GLT8D1: variants seen among roughly 807,000 people sequenced by gnomAD.
GLT8D1 encodes the protein glycosyltransferase 8 domain-containing protein 1.
Under a neutral mutation model 46.2 loss-of-function variants are expected in GLT8D1, and 41 were observed. That is an observed-to-expected ratio of 0.89 (90% CI 0.69 to 1.15). GLT8D1 has a LOEUF of 1.15. Among genes scored for constraint, GLT8D1 ranks in the 50% most tolerant of loss-of-function variants. GLT8D1 has a pLI of 0.00. For synonymous variants in GLT8D1, 150 were observed against 154.2 expected (o/e 0.97, Z 0.20); for missense variants, 408 against 449.3 (o/e 0.91, Z 0.83).
intron 1 of GLT8D1, 32 bp from the exon 2 acceptor site, chr3:52,700,528 T>G: frequency 4.7e-6 from 5 of 1,072,466 alleles, no homozygotes; most frequent in Non-Finnish European, 7.0e-6. Context: ...CCAAAGTCAG[T>G]AAGCACATGA....
intron 3 of GLT8D1, 26 bp downstream of exon 3, chr3:52,700,236 G>A (rs780829629): frequency 1.4e-6 from 2 of 1,406,424 alleles, no homozygotes; most frequent in Non-Finnish European, 1.0e-6. Flanking sequence ...CAGATTCTAA[G>A]GCATTATTAA....
chr3:52,704,117 T>C (rs2097341631), intron 1 of GLT8D1, among the ~76,000 whole-genome samples: 1 of 151,654 alleles, frequency 6.6e-6, no homozygotes, highest in South Asian at 2.1e-4. Flanking sequence ...GTAATTTCAG[T>C]CCGTGGTTGG....
At chr3:52,700,215 C>T in intron 3 of GLT8D1, 47 bp downstream of exon 3, 1 of 1,152,100 alleles carries the variant, frequency 8.7e-7, no homozygotes, top group Non-Finnish European at 1.3e-6. Flanking sequence ...CAGAGAATAC[C>T]AGGTCCGCAA....
At chr3:52,700,183 G>T (rs1309230749) in intron 3 of GLT8D1, 79 bp downstream of exon 3, 11 of 867,390 alleles carry the variant, frequency 1.3e-5, no homozygotes, top group Admixed American at 2.1e-5. Flanking sequence ...ACCGGAAGAA[G>T]AACAACTTAG....
intron 7 of GLT8D1, 96 bp downstream of exon 7, chr3:52,695,831 TG>T (rs2097332772): frequency 1.4e-6 from 1 of 731,268 alleles, no homozygotes; most frequent in Non-Finnish European, 2.4e-6. Context: ...ATGAAATGAT[TG>T]GGGAGTGTAA....
Position 52,694,708 on chromosome 3 carries a change from GTCA to G in GLT8D1, c.*134_*136del. ...AGCTGACTGCCAGACAGGGCAGTTT[GTCA>G]TCTTTACCTAGCTGACACATCTTTT... On this transcript the variant is annotated 3_prime_UTR_variant, in exon 10 of 10. Transcript: ENST00000266014. The G allele has an allele frequency of 1.4e-6, 1 of 705,004 alleles. No homozygotes were observed. Among genetic ancestry groups the G allele is most frequent in the Non-Finnish European group, 2.6e-6 (1 of 388,866 alleles). 43.7% of individuals were successfully genotyped at this position (705,004 alleles called of 1,614,324 possible).
rs1578592502 is a variant in GLT8D1, at chr3:52,700,524, T to C, written c.-36-28A>G. On this transcript the variant is annotated intron_variant, in intron 1 of 9. Transcript: ENST00000266014. ...ACAAAACAAAAACAAGCCCCCAAAG[T>C]CAGTAAGCACATGAGAAGGGACATC... 24 of 1,139,746 alleles carry C rather than the reference T, an allele frequency of 2.1e-5. No homozygotes were observed. In the East Asian group the frequency reaches 5.7e-4, roughly 27 times the overall value. The allele number at this position is 1,139,746 out of a possible 1,614,324, so 70.6% of individuals were successfully genotyped here.
chr3:52,698,029 T>C, intron 3 of GLT8D1, 95 bp from the exon 4 acceptor site: 2 of 770,300 alleles, frequency 2.6e-6, no homozygotes, highest in Non-Finnish European at 4.6e-6. Flanking sequence ...ATTATGGTAC[T>C]GATCTACCTC....
rs747314056 is a variant in GLT8D1, at chr3:52,695,987, A to C, written c.586T>G (p.Phe196Val). The C allele has an allele frequency of 3.7e-6, 6 of 1,612,952 alleles. No individual in the cohort carries two copies. In the South Asian group the frequency reaches 6.6e-5, roughly 18 times the overall value. The change falls in exon 7 of 10, where the codon TTT becomes GTT. Residue 196 changes from phenylalanine (F) to valine (V), a missense_variant. Physicochemically the swap from Phe to Val is conservative, Grantham distance 50. Coordinates refer to ENST00000266014, the MANE Select transcript of GLT8D1 (RefSeq NM_018446.4). ...TALKPGHAAA[F>V]SEDCDSASTK... ...GAGGCTGAATCACAATCTTCTGAAA[A>C]TGCAGCTGCATGTCCTGGCTTCAGT...
rs2097335705 is a variant in GLT8D1 at position 52,698,057 on chromosome 3, T to C, written c.116-123A>G. The C allele has an allele frequency of 6.0e-6, 4 of 670,150 alleles. No individual in the cohort carries two copies. The South Asian group carries it at 6.8e-5, about 11-fold the overall frequency. 41.5% of individuals were successfully genotyped at this position (670,150 alleles called of 1,614,324 possible). A position where few individuals can be genotyped will look rare whatever the true frequency, so the allele number is the denominator to read the frequency against. On this transcript the variant is annotated intron_variant, in intron 3 of 9. Coordinates refer to ENST00000266014, the MANE Select transcript of GLT8D1 (RefSeq NM_018446.4). ...TCTACCTCATTCTCCCCCATTAAAC[T>C]GAAGCATATAGCCCTGAAACTTTCC...
At chr3:52,696,361 T>A in intron 5 of GLT8D1, 43 bp from the exon 6 acceptor site, 1 of 1,340,148 alleles carries the variant, frequency 7.5e-7, no homozygotes, top group Non-Finnish European at 1.1e-6. Context: ...CCGCACTAGC[T>A]GTGCTTTTAT....
chr3:52,700,121 T>C (rs1379667416), intron 3 of GLT8D1, 141 bp downstream of exon 3: 1 of 594,172 alleles, frequency 1.7e-6, no homozygotes, highest in Admixed American at 3.0e-5. Context: ...TCTGATTTGG[T>C]GAAAAGGAAT....
At chr3:52,701,957 T>C (rs899024584) in intron 1 of GLT8D1, among the ~76,000 whole-genome samples, 18 of 152,254 alleles carry the variant, frequency 1.2e-4, no homozygotes, top group African/African-American at 2.7e-4. Context: ...TCTTCACCCA[T>C]AGTAGTACCC....
chr3:52,704,317 G>A (rs2097341863), intron 1 of GLT8D1, among the ~76,000 whole-genome samples: 1 of 151,860 alleles, frequency 6.6e-6, no homozygotes, highest in Non-Finnish European at 1.5e-5. Flanking sequence ...AAATTAGCCG[G>A]GCGTGGTGGC....
chr3:52,697,769 T>G lies in GLT8D1; in HGVS notation c.281A>C (p.Asn94Thr). The G allele has an allele frequency of 1.2e-6, 2 of 1,613,934 alleles. No individual in the cohort carries two copies. Among genetic ancestry groups the G allele is most frequent in the Non-Finnish European group, 1.7e-6 (2 of 1,179,828 alleles). The change falls in exon 4 of 10, where the codon AAT becomes ACT. Residue 94 changes from asparagine to threonine, a missense_variant. Asn to Thr is a moderately conservative substitution (Grantham distance 65, BLOSUM62 0). Transcript: ENST00000266014. ...GAGAGTAACAATGTAGAAAATCACA[T>G]TGGAGCGAGTGTTGTGCTGAATGCT... Reference protein sequence around the residue: ...INSIQHNTRSNVIFYIVTLNN... With the variant: ...INSIQHNTRSTVIFYIVTLNN...
intron 3 of GLT8D1, among the ~76,000 whole-genome samples, chr3:52,698,457 G>A (rs2097336248): frequency 1.3e-5 from 2 of 152,068 alleles, no homozygotes; most frequent in Non-Finnish European, 2.9e-5. Flanking sequence ...TGAGGCGGGT[G>A]GATCACTTGA....
intron 3 of GLT8D1, 76 bp downstream of exon 3, chr3:52,700,186 C>T: frequency 4.5e-6 from 4 of 880,062 alleles, no homozygotes; most frequent in Non-Finnish European, 7.4e-6. Flanking sequence ...GGAAGAAGAA[C>T]AACTTAGGAT....
chr3:52,700,543 G>T, intron 1 of GLT8D1, 47 bp from the exon 2 acceptor site: 1 of 871,112 alleles, frequency 1.1e-6, no homozygotes, highest in South Asian at 1.6e-5. Flanking sequence ...ACATGAGAAG[G>T]GACATCAAAA....
chr3:52,694,903 T>A lies in GLT8D1; in HGVS notation c.1058A>T (p.Asp353Val). 1 of 1,612,108 alleles carries A rather than the reference T, an allele frequency of 6.2e-7. No individual in the cohort carries two copies. Among genetic ancestry groups the A allele is most frequent in the Non-Finnish European group, 8.5e-7 (1 of 1,178,128 alleles). The change falls in exon 10 of 10, where the codon GAC becomes GTC. Residue 353 changes from aspartate (D) to valine (V), a missense_variant. By Grantham distance (152) the Asp-to-Val change is radical (BLOSUM62 -3). Coordinates refer to ENST00000266014, the MANE Select transcript of GLT8D1 (RefSeq NM_018446.4). ...GATTAGGTTGAATTTGCCTGTTGGG[T>A]CTGGAATATACCATTTTTCCCAAAC... ...TDVWEKWYIP[D>V]PTGKFNLIRR... is the part of the protein sequence containing the mutation.
Sources: gnomAD v4.1 joint callset for allele counts (sites outside exome capture counted in the v4.1 genomes callset) on GRCh38, gnomAD v4.1.1 for gene constraint, MANE v1.5 for transcripts, NCBI Gene and HGNC (gene_info 2026-07-23, HGNC 2026-07-21) for gene names.